Variants in SLC39A12 observed in about 807,000 individuals in gnomAD.
The protein encoded by SLC39A12 is solute carrier family 39 member 12.
SLC39A12 carries 63 observed loss-of-function variants against 71.1 expected under a neutral mutation model. The ratio of observed to expected loss-of-function variants is 0.89; its 90% CI spans 0.72 to 1.09. The LOEUF (loss-of-function observed/expected upper bound fraction) is 1.09. SLC39A12 is among the 50% of genes least tolerant of loss of function. The pLI, the probability that SLC39A12 is intolerant of heterozygous loss-of-function variation, is 0.00. For synonymous variants in SLC39A12, 351 were observed against 301.3 expected (o/e 1.16, Z -1.71); for missense variants, 892 against 812.6 (o/e 1.10, Z -1.19).
chr10:17,997,062 A>AAATGCT (rs1203207658), intron 10 of SLC39A12, among the ~76,000 whole-genome samples: 1 of 152,080 alleles, frequency 6.6e-6, no homozygotes, highest in Non-Finnish European at 1.5e-5. Context: ...AAAAAGAAAG[A>AAATGCT]AATGCTAATG....
chr10:17,978,294 T>C (rs1835167222), intron 5 of SLC39A12, among the ~76,000 whole-genome samples: 2 of 152,222 alleles, frequency 1.3e-5, no homozygotes, highest in Admixed American at 1.3e-4. Flanking sequence ...ATGAAATATA[T>C]TGCTTTTTCC....
At chr10:18,009,176 G>T (rs747593960) in intron 12 of SLC39A12, among the ~76,000 whole-genome samples, 2 of 152,066 alleles carry the variant, frequency 1.3e-5, no homozygotes, top group Non-Finnish European at 1.5e-5. Context: ...CCAAAATGGT[G>T]TTTCCATAGC....
intron 2 of SLC39A12, among the ~76,000 whole-genome samples, chr10:17,956,284 C>T (rs1263189529): frequency 6.6e-6 from 1 of 151,986 alleles, no homozygotes; most frequent in Non-Finnish European, 1.5e-5. Flanking sequence ...CTGTGGATCT[C>T]ATGGACATGT....
At chr10:18,041,747 GTA>G (rs1227905574) in intron 12 of SLC39A12, among the ~76,000 whole-genome samples, 14 of 115,242 alleles carry the variant, frequency 1.2e-4, no homozygotes, top group African/African-American at 1.9e-4. Context: ...GTATATACAT[GTA>G]TATATGTGTA....
At chr10:17,969,630 A>G (rs1163606063) in intron 4 of SLC39A12, among the ~76,000 whole-genome samples, 2 of 152,020 alleles carry the variant, frequency 1.3e-5, no homozygotes, top group Non-Finnish European at 2.9e-5. Flanking sequence ...CCATTTTTGG[A>G]TCAAATTATT....
At chr10:17,990,383 A>G (rs1188959569) in intron 7 of SLC39A12, among the ~76,000 whole-genome samples, 2 of 152,198 alleles carry the variant, frequency 1.3e-5, no homozygotes, top group African/African-American at 4.8e-5. Flanking sequence ...CATATAATCT[A>G]TACACATATA....
At position 17,978,110 on chromosome 10, in the gene SLC39A12, A is replaced by G. The variant is rs775442638; in HGVS notation, c.924+36A>G. The G allele has an allele frequency of 3.8e-5, 58 of 1,514,716 alleles. No individual in the cohort carries two copies. The South Asian group carries it at 6.7e-4, about 17-fold the overall frequency. 93.8% of individuals were successfully genotyped at this position (1,514,716 alleles called of 1,614,324 possible). A position where few individuals can be genotyped will look rare whatever the true frequency, so the allele number is the denominator to read the frequency against. ...TGTTTCTCTTATTCAAGCATTTGCT[A>G]CTGTCAAAGGAAGCCCAGCTGTGAA... On this transcript the variant is annotated intron_variant, in intron 5 of 12. Coordinates refer to ENST00000377369, the MANE Select transcript of SLC39A12 (RefSeq NM_001145195.2).
In SLC39A12 at chr10:17,953,465, C is replaced by T. The variant is rs782298567; in HGVS notation, c.189C>T (p.Ser63=). 14 of 1,614,064 alleles carry T rather than the reference C, an allele frequency of 8.7e-6. No individual in the cohort carries two copies. Among genetic ancestry groups the T allele is most frequent in the Non-Finnish European group, 1.2e-5 (14 of 1,180,056 alleles). ...ACCCACCCCACAACCACTCAAGAAG[C>T]CTCATCAAAACATTGTTGGAGAAAA... ...GDHPPHNHSR[S]LIKTLLEKTG... is the part of the protein sequence containing the mutation. The change falls in exon 2 of 13, where the codon AGC becomes AGT. Residue 63 remains serine (S), a synonymous_variant. Transcript: ENST00000377369.
intron 12 of SLC39A12, 47 bp from the exon 13 acceptor site, chr10:18,042,658 A>G (rs778010406): frequency 6.4e-7 from 1 of 1,555,632 alleles, no homozygotes; most frequent in Non-Finnish European, 8.6e-7. Flanking sequence ...TTTTCCCAGC[A>G]GTTGAATATA....
At chr10:17,988,030 T>G (rs1835448981) in intron 7 of SLC39A12, among the ~76,000 whole-genome samples, 1 of 152,090 alleles carries the variant, frequency 6.6e-6, no homozygotes, top group Non-Finnish European at 1.5e-5. Flanking sequence ...AAAAATTAGC[T>G]GCACATGTTA....
chr10:18,036,999 C>A (rs1837070089), intron 12 of SLC39A12, among the ~76,000 whole-genome samples: 1 of 151,510 alleles, frequency 6.6e-6, no homozygotes, highest in South Asian at 2.1e-4. Flanking sequence ...ATTGGCCAGG[C>A]TGGTCTTGAA....
At chr10:18,016,450 A>C (rs995432403) in intron 12 of SLC39A12, among the ~76,000 whole-genome samples, 2 of 152,204 alleles carry the variant, frequency 1.3e-5, no homozygotes, top group Non-Finnish European at 2.9e-5. Flanking sequence ...ACTGCAGTAC[A>C]TCCAAATTTG....
intron 12 of SLC39A12, among the ~76,000 whole-genome samples, chr10:18,015,391 T>G (rs1228884971): frequency 6.6e-6 from 1 of 152,150 alleles, no homozygotes; most frequent in East Asian, 1.9e-4. Flanking sequence ...AAGTGAATAC[T>G]CAAAAGATGT....
In SLC39A12 at chr10:17,965,516, G is replaced by A; in HGVS notation, c.577G>A (p.Gly193Arg). ...METKTLQKKS[G>R]IVSSEGANES... Reference sequence around the variant, plus strand: ...AACCAAAACGCTGCAGAAAAAATCTGGAATAGTGAGCAGTGAAGGTGCTAA... The same window carrying A: ...AACCAAAACGCTGCAGAAAAAATCTAGAATAGTGAGCAGTGAAGGTGCTAA... Residue 193 changes from glycine to arginine, a missense_variant, in exon 4 of 13, where the codon GGA becomes AGA. Physicochemically the swap from Gly to Arg is moderately radical, Grantham distance 125. Transcript: ENST00000377369. 1.9e-6 allele frequency: 3 copies of A among 1,614,150 alleles called. No homozygotes were observed. The South Asian group carries it at 3.3e-5, about 18-fold the overall frequency.
At chr10:17,964,026 G>C (rs1046900343) in intron 3 of SLC39A12, among the ~76,000 whole-genome samples, 1 of 152,118 alleles carries the variant, frequency 6.6e-6, no homozygotes, top group African/African-American at 2.4e-5. Context: ...TGATTCCATG[G>C]TAAATGAACA....
At chr10:18,025,357 G>A (rs140968513) in intron 12 of SLC39A12, among the ~76,000 whole-genome samples, 1,896 of 152,124 alleles carry the variant, frequency 0.012, 49 homozygotes, top group African/African-American at 0.043. Flanking sequence ...AACATTAGGT[G>A]TATCTCCAAA....
chr10:17,983,298 C>T (rs1835315076), intron 6 of SLC39A12, among the ~76,000 whole-genome samples: 1 of 151,576 alleles, frequency 6.6e-6, no homozygotes, highest in African/African-American at 2.4e-5. Context: ...TGAGACTAGC[C>T]TGAGCAACAT....
intron 4 of SLC39A12, among the ~76,000 whole-genome samples, chr10:17,967,490 T>G (rs1834856522): frequency 6.6e-6 from 1 of 152,244 alleles, no homozygotes; most frequent in Non-Finnish European, 1.5e-5. Flanking sequence ...ATTGAGGTTC[T>G]TAAGGGAAGG....
At position 17,990,929 on chromosome 10, in the gene SLC39A12, T is replaced by C. The variant is rs142889951; in HGVS notation, c.1270-222T>C. The stretch of plus-strand genomic sequence containing the variant: ...GCTATTCAAAGCTCTCTTTTGTTTT[T>C]TATTGTACACAATTTATTTGACCCT... On this transcript the variant is annotated intron_variant, in intron 7 of 12. Transcript: ENST00000377369. Among the ~76,000 whole-genome samples, 649 of 152,338 alleles carry C rather than the reference T, an allele frequency of 4.3e-3. 2 individuals carry two copies. Among genetic ancestry groups the C allele is most frequent in the Non-Finnish European group, 7.4e-3 (505 of 68,028 alleles).
Sources: gnomAD v4.1 joint callset for allele counts (sites outside exome capture counted in the v4.1 genomes callset) on GRCh38, gnomAD v4.1.1 for gene constraint, MANE v1.5 for transcripts, NCBI Gene and HGNC (gene_info 2026-07-23, HGNC 2026-07-21) for gene names.